Variants in CNTNAP4 observed in about 807,000 individuals in gnomAD.
CNTNAP4 encodes the protein contactin-associated protein-like 4.
In CNTNAP4, 98 loss-of-function variants were observed where a neutral mutation model predicts 148.4. The ratio of observed to expected loss-of-function variants is 0.66; its 90% CI spans 0.56 to 0.78. The LOEUF (loss-of-function observed/expected upper bound fraction) is 0.78. Among genes scored for constraint, CNTNAP4 ranks in the 30% least tolerant of loss-of-function variants. CNTNAP4 has a pLI of 0.00. For missense variants in CNTNAP4, 1,935 were observed against 1,565.6 expected (o/e 1.24, Z -3.98); for synonymous variants, 730 against 565.1 (o/e 1.29, Z -4.14).
At chr16:76,369,328 T>A (rs1194967360) in intron 3 of CNTNAP4, among the ~76,000 whole-genome samples, 1 of 152,216 alleles carries the variant, frequency 6.6e-6, no homozygotes, top group Non-Finnish European at 1.5e-5. Flanking sequence ...TGGTTACTGC[T>A]GTTTAATACA....
At chr16:76,495,104 C>G (rs919618034) in intron 14 of CNTNAP4, 38 bp downstream of exon 14, 1 of 1,605,386 alleles carries the variant, frequency 6.2e-7, no homozygotes, top group Non-Finnish European at 8.5e-7. Context: ...AGAAAAAGTT[C>G]ATTTAAAAAA....
At chr16:76,369,346 CAG>C (rs1245025357) in intron 3 of CNTNAP4, among the ~76,000 whole-genome samples, 1 of 152,108 alleles carries the variant, frequency 6.6e-6, no homozygotes, top group Non-Finnish European at 1.5e-5. Context: ...ACAAGATAGA[CAG>C]GGTTTTCCAG....
chr16:76,342,512 G>A (rs111914061), intron 2 of CNTNAP4, among the ~76,000 whole-genome samples: 18,633 of 120,294 alleles, frequency 0.15, 2,052 homozygotes, highest in East Asian at 0.54. Flanking sequence ...TTGCTCTGTC[G>A]CCCAGGTTGG....
At chr16:76,545,252 G>A (rs935801717) in intron 21 of CNTNAP4, among the ~76,000 whole-genome samples, 20 of 152,064 alleles carry the variant, frequency 1.3e-4, no homozygotes, top group Admixed American at 1.2e-3. Flanking sequence ...CTTTCTTCTT[G>A]TGAAGGCTTT....
rs774941999 is a variant in CNTNAP4, at chr16:76,309,998, AG to A, written c.86-6413del. 114 of 645,770 alleles carry A rather than the reference AG, an allele frequency of 1.8e-4. 1 individual carries two copies. Among genetic ancestry groups the A allele is most frequent in the Middle Eastern group, 4.9e-4 (2 of 4,076 alleles). 40.0% of individuals were successfully genotyped at this position (645,770 alleles called of 1,614,324 possible). ...GACTAAAACAGGGGCCAGTTGCTACAGGAGTTATTATTTGGCTTCTTGCACT... is the reference window on the plus strand; with the variant it reads ...GACTAAAACAGGGGCCAGTTGCTACAGAGTTATTATTTGGCTTCTTGCACT... On this transcript the variant is annotated intron_variant, in intron 1 of 23. Transcript: ENST00000611870.
intron 22 of CNTNAP4, 31 bp downstream of exon 22, chr16:76,553,532 C>A: frequency 6.8e-7 from 1 of 1,479,302 alleles, no homozygotes; most frequent in Non-Finnish European, 9.3e-7. Flanking sequence ...TACTCAGTCA[C>A]AGACGTAGCT....
intron 3 of CNTNAP4, among the ~76,000 whole-genome samples, chr16:76,401,555 T>A (rs2078417445): frequency 6.6e-6 from 1 of 152,202 alleles, no homozygotes; most frequent in African/African-American, 2.4e-5. Context: ...CTTGCCTGAT[T>A]GCTCTGGCAG....
At chr16:76,504,113 T>C (rs1285721296) in intron 15 of CNTNAP4, among the ~76,000 whole-genome samples, 1 of 152,072 alleles carries the variant, frequency 6.6e-6, no homozygotes, top group Non-Finnish European at 1.5e-5. Flanking sequence ...TAAATGTATA[T>C]TGAAATGCAA....
intron 2 of CNTNAP4, among the ~76,000 whole-genome samples, chr16:76,353,993 C>A (rs961889383): frequency 6.6e-6 from 1 of 152,146 alleles, no homozygotes; most frequent in Non-Finnish European, 1.5e-5. Context: ...AAGAATAATG[C>A]TTGAATCAAA....
At chr16:76,325,191 T>C (rs1405142230) in intron 2 of CNTNAP4, among the ~76,000 whole-genome samples, 5 of 152,154 alleles carry the variant, frequency 3.3e-5, no homozygotes, top group African/African-American at 1.2e-4. Context: ...ATTGTTAATG[T>C]ATATCATTCT....
intron 12 of CNTNAP4, among the ~76,000 whole-genome samples, chr16:76,488,977 T>A (rs1480974724): frequency 6.6e-6 from 1 of 152,218 alleles, no homozygotes; most frequent in Admixed American, 6.5e-5. Context: ...CTGTGTCAGA[T>A]GCATTCAATT....
rs1480306124 is a variant in CNTNAP4 at position 76,427,479 on chromosome 16, A to G, written c.418A>G (p.Ser140Gly). The change falls in exon 4 of 24, where the codon AGT becomes GGT. Residue 140 changes from serine (S) to glycine (G), a missense_variant. Coordinates refer to ENST00000611870, the MANE Select transcript of CNTNAP4 (RefSeq NM_033401.5). ...WGFSGNANAD[S>G]VVYYRLQPSI... is the part of the protein sequence containing the mutation. ...TTTTTCAGGAAATGCAAATGCAGACAGTGTTGTGTACTATAGACTCCAGCC... is the reference window on the plus strand; with the variant it reads ...TTTTTCAGGAAATGCAAATGCAGACGGTGTTGTGTACTATAGACTCCAGCC... The G allele has an allele frequency of 5.6e-6, 9 of 1,608,586 alleles. No individual in the cohort carries two copies. Among genetic ancestry groups the G allele is most frequent in the Non-Finnish European group, 5.1e-6 (6 of 1,177,888 alleles).
At chr16:76,403,597 A>G (rs1427732817) in intron 3 of CNTNAP4, among the ~76,000 whole-genome samples, 1 of 152,180 alleles carries the variant, frequency 6.6e-6, no homozygotes, top group Non-Finnish European at 1.5e-5. Context: ...CACTGTTGGT[A>G]GGAGTCTAAA....
At chr16:76,351,506 T>C (rs916513968) in intron 2 of CNTNAP4, among the ~76,000 whole-genome samples, 5 of 152,152 alleles carry the variant, frequency 3.3e-5, no homozygotes, top group African/African-American at 4.8e-5. Flanking sequence ...GCTAATACCA[T>C]GTGCATCTGC....
chr16:76,306,296 C>T (rs1259014406), intron 1 of CNTNAP4, among the ~76,000 whole-genome samples: 1 of 152,232 alleles, frequency 6.6e-6, no homozygotes, highest in East Asian at 1.9e-4. Flanking sequence ...CATTTCGAAG[C>T]AGTTAGTTGG....
intron 15 of CNTNAP4, among the ~76,000 whole-genome samples, chr16:76,500,313 T>A (rs2082582781): frequency 6.6e-6 from 1 of 152,248 alleles, no homozygotes; most frequent in Non-Finnish European, 1.5e-5. Context: ...AAATACTCTT[T>A]CAGTCAGTCA....
chr16:76,397,938 TTATATACATATATATATATATA>T (rs1440814023), intron 3 of CNTNAP4, among the ~76,000 whole-genome samples: 4,068 of 62,190 alleles, frequency 0.065, 608 homozygotes, highest in Middle Eastern at 0.11. Context: ...AACTAATAGA[TTATATACATATATATATATATA>T]TATATATATA....
intron 1 of CNTNAP4, among the ~76,000 whole-genome samples, chr16:76,290,485 G>A (rs773321372): frequency 8.5e-5 from 13 of 152,272 alleles, no homozygotes; most frequent in East Asian, 7.7e-4. Flanking sequence ...GCAGGCACTC[G>A]CTCATGTAGA....
In CNTNAP4 at chr16:76,521,213, T is replaced by A; in HGVS notation, c.2439T>A (p.Leu813=). 1 of 1,612,770 alleles carries A rather than the reference T, an allele frequency of 6.2e-7. No homozygotes were observed. The highest frequency in any genetic ancestry group is 8.5e-7 in the Non-Finnish European group (1 of 1,179,384). ...ATTTTCCTACCTTCCACGGAGAACTTAGCGCGGATGTATCTTTCTTTTTTA... is the reference window on the plus strand; with the variant it reads ...ATTTTCCTACCTTCCACGGAGAACTAAGCGCGGATGTATCTTTCTTTTTTA... The part of the protein sequence containing the change: ...YLHFPTFHGE[L]SADVSFFFKT... The change falls in exon 16 of 24, where the codon CTT becomes CTA. Residue 813 remains leucine, a synonymous_variant. Transcript: ENST00000611870.
Sources: allele counts gnomAD v4.1 joint callset (sites outside exome capture counted in the v4.1 genomes callset), GRCh38; gene constraint gnomAD v4.1.1; transcripts MANE v1.5; gene names NCBI Gene and HGNC (gene_info 2026-07-23, HGNC 2026-07-21).